ACER3: variants seen among roughly 807,000 people sequenced by gnomAD.
ACER3 encodes the protein alkCDase 3.
ACER3 carries 16 observed loss-of-function variants against 48.9 expected under a neutral mutation model. The observed-to-expected ratio is 0.33, with a 90% CI of 0.22 to 0.50. The LOEUF is 0.50. Ranked by LOEUF, ACER3 falls within the 20% of genes least tolerant of loss-of-function variation. The pLI is 0.98. For synonymous variants in ACER3, 109 were observed against 107.8 expected (o/e 1.01, Z -0.07); for missense variants, 227 against 326.0 (o/e 0.70, Z 2.34).
intron 1 of ACER3, among the ~76,000 whole-genome samples, chr11:76,908,440 C>G (rs1239565410): frequency 1.6e-5 from 2 of 127,754 alleles, no homozygotes; most frequent in African/African-American, 5.1e-5. Context: ...ACAAGCATCC[C>G]TATACACCAA....
At chr11:77,017,307 C>A (rs1949390360) in intron 9 of ACER3, among the ~76,000 whole-genome samples, 1 of 151,950 alleles carries the variant, frequency 6.6e-6, no homozygotes, top group Non-Finnish European at 1.5e-5. Flanking sequence ...AGAGACATTA[C>A]AATGCTGCCA....
chr11:77,019,702 A>G (rs1555024022), intron 9 of ACER3, 29 bp from the exon 10 acceptor site: 20 of 1,611,712 alleles, frequency 1.2e-5, no homozygotes, highest in Non-Finnish European at 1.6e-5. Context: ...TGAATCTGAA[A>G]AGCTTTCCCC....
chr11:76,996,398 C>CATTATTATTATTATT (rs113842907), intron 6 of ACER3, among the ~76,000 whole-genome samples: 7 of 146,580 alleles, frequency 4.8e-5, no homozygotes, highest in African/African-American at 1.5e-4. Flanking sequence ...ATTGGCTTTC[C>CATTATTATTATTATT]ATTATTATTA....
intron 7 of ACER3, among the ~76,000 whole-genome samples, chr11:77,004,495 GT>G (rs1178294178): frequency 2.6e-5 from 4 of 152,148 alleles, no homozygotes; most frequent in African/African-American, 9.7e-5. Context: ...TGTTCTATCA[GT>G]TGATGACAGA....
intron 1 of ACER3, among the ~76,000 whole-genome samples, chr11:76,893,142 A>G (rs1023353903): frequency 2.6e-5 from 4 of 152,222 alleles, no homozygotes; most frequent in Non-Finnish European, 4.4e-5. Context: ...TGATGAAAGA[A>G]ATTGATGAGG....
intron 3 of ACER3, among the ~76,000 whole-genome samples, chr11:76,964,865 A>C (rs1948096923): frequency 6.6e-6 from 1 of 151,304 alleles, no homozygotes; most frequent in Non-Finnish European, 1.5e-5. Flanking sequence ...GATGGGAAAA[A>C]ACAGAGCAGA....
intron 8 of ACER3, 115 bp from the exon 9 acceptor site, chr11:77,016,560 G>A: frequency 3.8e-6 from 2 of 530,610 alleles, no homozygotes; most frequent in South Asian, 6.4e-5. Flanking sequence ...GGAAACTTAA[G>A]GCAATTAAAT....
intron 2 of ACER3, among the ~76,000 whole-genome samples, chr11:76,933,015 G>A (rs954620471): frequency 1.3e-5 from 2 of 151,898 alleles, no homozygotes; most frequent in African/African-American, 4.8e-5. Context: ...ATCACTTCTG[G>A]GAAAGAGATA....
chr11:77,001,463 G>A (rs2135270990), intron 7 of ACER3, among the ~76,000 whole-genome samples: 1 of 152,200 alleles, frequency 6.6e-6, no homozygotes, highest in South Asian at 2.1e-4. Flanking sequence ...TCACTATGTT[G>A]GCTAGGCTGG....
At chr11:76,985,252 C>T (rs958679132) in intron 4 of ACER3, among the ~76,000 whole-genome samples, 2 of 152,138 alleles carry the variant, frequency 1.3e-5, no homozygotes, top group African/African-American at 4.8e-5. Context: ...TACAGGTGTA[C>T]ACCACCATGC....
chr11:76,896,352 T>C (rs2134645448), intron 1 of ACER3, among the ~76,000 whole-genome samples: 1 of 152,188 alleles, frequency 6.6e-6, no homozygotes, highest in Admixed American at 6.5e-5. Context: ...TATGCCATAG[T>C]TAAGGGGCAT....
At chr11:76,973,820 C>T (rs960568909) in intron 3 of ACER3, among the ~76,000 whole-genome samples, 5 of 152,018 alleles carry the variant, frequency 3.3e-5, no homozygotes, top group African/African-American at 4.8e-5. Flanking sequence ...AATCCAAGGT[C>T]GTGAAGATTT....
intron 2 of ACER3, among the ~76,000 whole-genome samples, chr11:76,957,287 C>T (rs1259525776): frequency 6.6e-6 from 1 of 152,148 alleles, no homozygotes; most frequent in East Asian, 1.9e-4. Flanking sequence ...GAAAAAAAAG[C>T]TTTATTAGAT....
At chr11:76,978,061 G>A (rs115382797) in intron 4 of ACER3, among the ~76,000 whole-genome samples, 1,661 of 152,302 alleles carry the variant, frequency 0.011, 26 homozygotes, top group African/African-American at 0.038. Context: ...AGGCCGAGGC[G>A]GGGACTGAGG....
At chr11:76,874,742 G>A (rs1286793854) in intron 1 of ACER3, among the ~76,000 whole-genome samples, 3 of 152,124 alleles carry the variant, frequency 2.0e-5, no homozygotes, top group Non-Finnish European at 4.4e-5. Context: ...GGTGGGGACG[G>A]GGGCAGTTAA....
At chr11:76,883,443 T>G (rs934733394) in intron 1 of ACER3, among the ~76,000 whole-genome samples, 7 of 140,012 alleles carry the variant, frequency 5.0e-5, no homozygotes, top group African/African-American at 1.8e-4. Flanking sequence ...TCTTGCTTTT[T>G]TTTTTTTTTT....
In ACER3 at chr11:76,860,966, G is replaced by T; in HGVS notation, c.-11G>T. On this transcript the variant is annotated 5_prime_UTR_variant, in exon 1 of 11. Transcript: ENST00000532485. ...TGAGCGGAGCGCCTGGGCGGCGGCG[G>T]CGGCGGCGTGATGGCTCCGGCCGCG... is the stretch of plus-strand genomic sequence containing the variant. 6.6e-7 allele frequency: 1 copy of T among 1,524,966 alleles called. No homozygotes were observed. The highest frequency in any genetic ancestry group is 8.8e-7 in the Non-Finnish European group (1 of 1,135,872). The allele number at this position is 1,524,966 out of a possible 1,614,324, so 94.5% of individuals were successfully genotyped here.
intron 2 of ACER3, among the ~76,000 whole-genome samples, chr11:76,958,585 T>A (rs1275285638): frequency 6.6e-6 from 1 of 152,188 alleles, no homozygotes; most frequent in Non-Finnish European, 1.5e-5. Context: ...CCAAATACAA[T>A]GGCATCAACA....
chr11:77,007,633 A>G (rs375607629), intron 7 of ACER3, among the ~76,000 whole-genome samples: 11 of 152,338 alleles, frequency 7.2e-5, no homozygotes, highest in African/African-American at 2.2e-4. Flanking sequence ...CTCTGACACT[A>G]TCCCACTAGG....
Sources: allele counts gnomAD v4.1 joint callset (sites outside exome capture counted in the v4.1 genomes callset), GRCh38; gene constraint gnomAD v4.1.1; transcripts MANE v1.5; gene names NCBI Gene and HGNC (gene_info 2026-07-23, HGNC 2026-07-21).